The following NUDCD3 variants were observed in gnomAD, a reference collection of about 807,000 sequenced individuals.
NUDCD3 encodes NudC domain containing 3, also known as nudC domain-containing protein 3.
In NUDCD3, 13 loss-of-function variants were observed where a neutral mutation model predicts 39.7. The observed-to-expected ratio is 0.33, with a 90% CI of 0.21 to 0.52. The LOEUF (loss-of-function observed/expected upper bound fraction) is 0.52, where lower values mean the gene tolerates loss of function less well. Among genes scored for constraint, NUDCD3 ranks in the 20% least tolerant of loss-of-function variants. NUDCD3 has a pLI of 0.96. For synonymous variants in NUDCD3, 175 were observed against 172.4 expected (o/e 1.02, Z -0.12); for missense variants, 453 against 458.1 (o/e 0.99, Z 0.10).
intron 2 of NUDCD3, among the ~76,000 whole-genome samples, chr7:44,458,936 C>CCGTGTGTGTG (rs1275557579): frequency 1.7e-5 from 2 of 116,062 alleles, no homozygotes; most frequent in African/African-American, 3.3e-5. Context: ...ACGGGGAGTG[C>CCGTGTGTGTG]TGTGTGTGTG....
chr7:44,436,041 C>T (rs1003778456), intron 2 of NUDCD3, among the ~76,000 whole-genome samples: 4 of 152,010 alleles, frequency 2.6e-5, no homozygotes, highest in Non-Finnish European at 4.4e-5. Flanking sequence ...GGGAACTACC[C>T]TAAATTAAGA....
At chr7:44,451,535 T>G (rs1433283383) in intron 2 of NUDCD3, among the ~76,000 whole-genome samples, 2 of 152,242 alleles carry the variant, frequency 1.3e-5, no homozygotes, top group Non-Finnish European at 1.5e-5. Context: ...AAATTTTTAA[T>G]GTACATACTA....
chr7:44,409,660 A>G (rs1314939506), intron 3 of NUDCD3, among the ~76,000 whole-genome samples: 4 of 152,184 alleles, frequency 2.6e-5, no homozygotes, highest in Non-Finnish European at 5.9e-5. Context: ...GGAAGCCCAC[A>G]TATGAAGAAC....
At chr7:44,447,992 A>AT (rs1799717831) in intron 2 of NUDCD3, among the ~76,000 whole-genome samples, 1 of 152,132 alleles carries the variant, frequency 6.6e-6, no homozygotes, top group African/African-American at 2.4e-5. Flanking sequence ...GCTGAGCCAA[A>AT]TTCTGGCCTC....
At chr7:44,461,987 C>T (rs556509212) in intron 2 of NUDCD3, among the ~76,000 whole-genome samples, 6 of 152,270 alleles carry the variant, frequency 3.9e-5, no homozygotes, top group Admixed American at 1.3e-4. Context: ...AAAATCAGGG[C>T]TCACATGATT....
At chr7:44,452,972 C>T (rs577770725) in intron 2 of NUDCD3, among the ~76,000 whole-genome samples, 167 of 152,328 alleles carry the variant, frequency 1.1e-3, no homozygotes, top group African/African-American at 3.9e-3. Flanking sequence ...ACATTCTGTT[C>T]CCAGCCCAAA....
At chr7:44,415,105 G>C (rs1314497569) in intron 3 of NUDCD3, among the ~76,000 whole-genome samples, 2 of 152,174 alleles carry the variant, frequency 1.3e-5, no homozygotes, top group Admixed American at 6.5e-5. Context: ...TGGAGGTGAC[G>C]GGACCTTGGT....
intron 2 of NUDCD3, among the ~76,000 whole-genome samples, chr7:44,436,386 T>C (rs1390636292): frequency 6.6e-6 from 1 of 152,202 alleles, no homozygotes; most frequent in Non-Finnish European, 1.5e-5. Flanking sequence ...CATTATGCTA[T>C]TCCCTCCTTT....
chr7:44,435,119 T>G (rs181340854), intron 2 of NUDCD3, among the ~76,000 whole-genome samples: 151 of 152,328 alleles, frequency 9.9e-4, no homozygotes, highest in African/African-American at 3.5e-3. Flanking sequence ...TCTACACTTT[T>G]TTTAGATTTT....
chr7:44,460,925 T>C (rs1419622556), intron 2 of NUDCD3, among the ~76,000 whole-genome samples: 1 of 152,244 alleles, frequency 6.6e-6, no homozygotes, highest in East Asian at 1.9e-4. Context: ...TTTCCTCCAT[T>C]GGAAAATCTT....
At chr7:44,460,684 C>CA (rs1369194261) in intron 2 of NUDCD3, among the ~76,000 whole-genome samples, 1 of 152,044 alleles carries the variant, frequency 6.6e-6, no homozygotes, top group East Asian at 1.9e-4. Flanking sequence ...ACAGCTATCT[C>CA]AAAAACGTAA....
intron 3 of NUDCD3, among the ~76,000 whole-genome samples, chr7:44,414,280 G>A (rs1585063434): frequency 6.6e-6 from 1 of 152,298 alleles, no homozygotes; most frequent in East Asian, 1.9e-4. Context: ...AGTCCCAGGT[G>A]TGAGGGATGG....
At chr7:44,412,568 A>C (rs1177937025) in intron 3 of NUDCD3, among the ~76,000 whole-genome samples, 2 of 152,190 alleles carry the variant, frequency 1.3e-5, no homozygotes, top group African/African-American at 4.8e-5. Flanking sequence ...ATGGGGCCCA[A>C]ATTGCCACTT....
chr7:44,390,782 A>G (rs1798499289), intron 5 of NUDCD3, among the ~76,000 whole-genome samples: 1 of 152,192 alleles, frequency 6.6e-6, no homozygotes, highest in Non-Finnish European at 1.5e-5. Context: ...GCAAAGGTTC[A>G]AAGGCTGGCC....
At chr7:44,439,443 G>GTGCCCAGA (rs1326516874) in intron 2 of NUDCD3, among the ~76,000 whole-genome samples, 1 of 152,152 alleles carries the variant, frequency 6.6e-6, no homozygotes, top group Non-Finnish European at 1.5e-5. Context: ...TGCCCTCTGA[G>GTGCCCAGA]TGCCCAGATC....
At chr7:44,429,526 A>G (rs975317581) in intron 2 of NUDCD3, among the ~76,000 whole-genome samples, 2 of 152,198 alleles carry the variant, frequency 1.3e-5, no homozygotes, top group African/African-American at 4.8e-5. Context: ...CCTTGATCTC[A>G]GACTTCCCCT....
At chr7:44,477,736 A>T (rs532364568) in intron 2 of NUDCD3, among the ~76,000 whole-genome samples, 19 of 151,792 alleles carry the variant, frequency 1.3e-4, no homozygotes, top group Non-Finnish European at 2.6e-4. Context: ...GTCTGCAGGC[A>T]CTGGTCACCC....
chr7:44,430,749 A>T (rs2116907116), intron 2 of NUDCD3, among the ~76,000 whole-genome samples: 1 of 152,326 alleles, frequency 6.6e-6, no homozygotes, highest in Admixed American at 6.5e-5. Context: ...TGCCGCCAGC[A>T]ACAGTGCAGT....
chr7:44,449,495 G>C (rs994993237), intron 2 of NUDCD3, among the ~76,000 whole-genome samples: 2 of 152,140 alleles, frequency 1.3e-5, no homozygotes, highest in Non-Finnish European at 2.9e-5. Flanking sequence ...AAGGCACAGG[G>C]CAAAATAAAA....
Sources: allele counts gnomAD v4.1 joint callset (sites outside exome capture counted in the v4.1 genomes callset), GRCh38; gene constraint gnomAD v4.1.1; transcripts MANE v1.5; gene names NCBI Gene and HGNC (gene_info 2026-07-23, HGNC 2026-07-21).